The following CANT1 variants were observed in gnomAD, a reference collection of about 807,000 sequenced individuals.
CANT1 encodes soluble calcium-activated nucleotidase 1.
Under a neutral mutation model 30.0 loss-of-function variants are expected in CANT1, and 26 were observed. That is an observed-to-expected ratio of 0.87 (90% CI 0.64 to 1.20). The LOEUF is 1.20. CANT1 is among the 50% of genes most tolerant of loss of function. The probability of loss-of-function intolerance (pLI) is 0.00; values close to 1 mark genes in which losing one functional copy is unlikely to be tolerated. For synonymous variants in CANT1, 246 were observed against 251.8 expected (o/e 0.98, Z 0.22); for missense variants, 518 against 563.0 (o/e 0.92, Z 0.81).
chr17:79,009,282 G>A (rs1324423858), intron 1 of CANT1, among the ~76,000 whole-genome samples: 1 of 150,720 alleles, frequency 6.6e-6, no homozygotes, highest in Non-Finnish European at 1.5e-5. Flanking sequence ...GAGCGGGGAG[G>A]AGTCACATAA....
At chr17:79,001,184 C>T (rs965860807) in intron 1 of CANT1, among the ~76,000 whole-genome samples, 3 of 152,154 alleles carry the variant, frequency 2.0e-5, no homozygotes, top group African/African-American at 4.8e-5. Flanking sequence ...GAGGTGTCGT[C>T]GTCACCAGCC....
intron 1 of CANT1, among the ~76,000 whole-genome samples, chr17:79,006,412 A>T (rs73999379): frequency 0.039 from 5,979 of 152,242 alleles, 155 homozygotes; most frequent in African/African-American, 0.069. Flanking sequence ...CTGATCAGCA[A>T]CCTTAATTCC....
At chr17:79,007,528 G>A (rs998329789) in intron 1 of CANT1, among the ~76,000 whole-genome samples, 2 of 152,246 alleles carry the variant, frequency 1.3e-5, no homozygotes, top group African/African-American at 4.8e-5. Context: ...CTACCTATAC[G>A]GTTGCCAGAA....
rs540991187 is a variant in CANT1 at position 78,995,142 on chromosome 17, C to G, written c.711G>C (p.Thr237=). Reference sequence around the variant, plus strand: ...CCGGGTTCTCGTTCACCACATCACCCGTAGTGGTCGTCCACTCCTTGCCCA... The same window carrying G: ...CCGGGTTCTCGTTCACCACATCACCGGTAGTGGTCGTCCACTCCTTGCCCA... The part of the protein sequence containing the change: ...GGLGKEWTTT[T]GDVVNENPEW... The change falls in exon 4 of 5, where the codon ACG becomes ACC. Residue 237 remains threonine, a synonymous_variant. Coordinates refer to ENST00000392446, the MANE Select transcript of CANT1 (RefSeq NM_001159773.2). The surrounding 1 kb of genome is among the most constrained non-coding windows in gnomAD (Gnocchi z 5.7). 10 of 1,614,080 alleles carry G rather than the reference C, an allele frequency of 6.2e-6. No homozygotes were observed. The South Asian group carries it at 1.1e-4, about 18-fold the overall frequency.
chr17:79,008,648 T>C lies in CANT1; in HGVS notation c.-147+1016A>G, dbSNP rs1345449087. ...TTTGGGAGAGAGATGTGTCTGCTGA[T>C]GGAAGAGTGGTCACAGGTGCTCTGT... On this transcript the variant is annotated intron_variant, in intron 1 of 4. Coordinates refer to ENST00000392446, the MANE Select transcript of CANT1 (RefSeq NM_001159773.2). The surrounding 1 kb of genome is among the most constrained non-coding windows in gnomAD (Gnocchi z 4.4). Among the ~76,000 whole-genome samples, 5 of 152,100 alleles carry C rather than the reference T, an allele frequency of 3.3e-5. No individual in the cohort carries two copies. The highest frequency in any genetic ancestry group is 7.4e-5 in the Non-Finnish European group (5 of 68,012).
At position 78,998,761 on chromosome 17, in the gene CANT1, T is replaced by C. The variant is rs9916285; in HGVS notation, c.-146-798A>G. On this transcript the variant is annotated intron_variant, in intron 1 of 4. Coordinates refer to ENST00000392446, the MANE Select transcript of CANT1 (RefSeq NM_001159773.2). This position sits in a 1 kb window ranked among gnomAD's most constrained non-coding sequence, Gnocchi z 4.5. ...GCGTGGGGAGACAGCTCCCGGTGCT[T>C]CGATCGAGAACACTGGCCCTGGGCA... 0.32 allele frequency among the ~76,000 whole-genome samples: 48,498 copies of C among 152,222 alleles called. 8,646 individuals are homozygous for C. Among genetic ancestry groups the C allele is most frequent in the East Asian group, 0.65 (3,387 of 5,174 alleles).
rs2071316993 is a variant in CANT1, at chr17:79,002,900, C to A, written c.-146-4937G>T. On this transcript the variant is annotated intron_variant, in intron 1 of 4. Coordinates refer to ENST00000392446, the MANE Select transcript of CANT1 (RefSeq NM_001159773.2). The surrounding 1 kb of genome is among the most constrained non-coding windows in gnomAD (Gnocchi z 4.0). The stretch of plus-strand genomic sequence containing the variant: ...GTCGCTGTGCAACACTGCACGCCTT[C>A]CTATTCCAGACTCCTGGCATCTACA... 6.6e-6 allele frequency among the ~76,000 whole-genome samples: 1 copy of A among 152,050 alleles called. No homozygotes were observed. The highest frequency in any genetic ancestry group is 1.5e-5 in the Non-Finnish European group (1 of 67,992).
intron 1 of CANT1, among the ~76,000 whole-genome samples, chr17:79,001,590 A>G (rs1437270023): frequency 1.1e-4 from 4 of 37,246 alleles, no homozygotes; most frequent in Admixed American, 7.6e-4. Flanking sequence ...CTCGCCCACC[A>G]TGGTACAAGA....
intron 1 of CANT1, among the ~76,000 whole-genome samples, chr17:79,007,301 T>G (rs1196947112): frequency 2.6e-5 from 4 of 152,238 alleles, no homozygotes; most frequent in Non-Finnish European, 5.9e-5. Flanking sequence ...TGGCATTTCA[T>G]AAGAGCTTTC....
In CANT1 at chr17:78,993,775, G is replaced by C; in HGVS notation, c.981C>G (p.Phe327Leu). 6.2e-7 allele frequency: 1 copy of C among 1,612,750 alleles called. No homozygotes were observed. The highest frequency in any genetic ancestry group is 8.5e-7 in the Non-Finnish European group (1 of 1,179,870). ...CGACGTGGCTCACAGCGATGTCGCCGAAGTCAGGGGAGGCGCTCAGCAGCA... is the reference window on the plus strand; with the variant it reads ...CGACGTGGCTCACAGCGATGTCGCCCAAGTCAGGGGAGGCGCTCAGCAGCA... ...ANLLLSASPDFGDIAVSHVGA... is the reference protein window; with the variant it reads ...ANLLLSASPDLGDIAVSHVGA... The change falls in exon 5 of 5, where the codon TTC becomes TTG. Residue 327 changes from phenylalanine to leucine, a missense_variant. Around this residue, in one of 3 missense-constraint regions of CANT1, gnomAD observed 221 missense variants for 211.8 expected, o/e 1.04. Transcript: ENST00000392446. This position sits in a 1 kb window ranked among gnomAD's most constrained non-coding sequence, Gnocchi z 4.5.
In CANT1 at chr17:78,996,136, G is replaced by A. The variant is rs552868249; in HGVS notation, c.631+856C>T. On this transcript the variant is annotated intron_variant, in intron 3 of 4. Transcript: ENST00000392446. This position sits in a 1 kb window ranked among gnomAD's most constrained non-coding sequence, Gnocchi z 5.1. ...TCAGTTGATACCTCAGGTGAGGTCC[G>A]TCCCCTGCCCAGCCCTGGGCAAACA... is the stretch of plus-strand genomic sequence containing the variant. Among the ~76,000 whole-genome samples the A allele has an allele frequency of 5.3e-5, 8 of 152,298 alleles. No homozygotes were observed. The South Asian group carries it at 1.2e-3, about 24-fold the overall frequency.
rs562551946 is a variant in CANT1 at position 78,994,000 on chromosome 17, G to A, written c.836-80C>T. 2 of 1,491,056 alleles carry A rather than the reference G, an allele frequency of 1.3e-6. No homozygotes were observed. The highest frequency in any genetic ancestry group is 2.8e-5 in the African/African-American group (2 of 72,080). 92.4% of individuals were successfully genotyped at this position (1,491,056 alleles called of 1,614,324 possible). A position where few individuals can be genotyped will look rare whatever the true frequency, so the allele number is the denominator to read the frequency against. On this transcript the variant is annotated intron_variant, in intron 4 of 4. Transcript: ENST00000392446. The surrounding 1 kb of genome is among the most constrained non-coding windows in gnomAD (Gnocchi z 4.5). ...CCACACCATCAGGCCGTGCGCAGTA[G>A]CAGGCAAGGGGCTGCGACCACCAGG...
intron 1 of CANT1, among the ~76,000 whole-genome samples, chr17:79,006,616 G>A (rs2071560909): frequency 6.6e-6 from 1 of 152,214 alleles, no homozygotes; most frequent in African/African-American, 2.4e-5. Flanking sequence ...TTACTGCCTT[G>A]TAAAGAGGCT....
intron 1 of CANT1, among the ~76,000 whole-genome samples, chr17:79,009,154 C>T (rs1599259548): frequency 6.7e-6 from 1 of 149,868 alleles, no homozygotes; most frequent in East Asian, 2.0e-4. Context: ...GGGGGAGGTG[C>T]CCCACATGAA....
rs531535139 is a variant in CANT1, at chr17:78,993,711, A to C, written c.1045T>G (p.Phe349Val). 3 of 1,614,152 alleles carry C rather than the reference A, an allele frequency of 1.9e-6. No individual in the cohort carries two copies. The highest frequency in any genetic ancestry group is 2.2e-5 in the East Asian group (1 of 44,880). The change falls in exon 5 of 5, where the codon TTC becomes GTC. Residue 349 changes from phenylalanine to valine, a missense_variant. Phe to Val is a conservative substitution (Grantham distance 50). This residue lies in a region of CANT1 where 221 missense variants were observed against 211.8 expected (regional missense o/e 1.04). Transcript: ENST00000392446. The surrounding 1 kb of genome is among the most constrained non-coding windows in gnomAD (Gnocchi z 4.5). ...VPTHGFSSFK[F>V]IPNTDDQIIV... ...ATCTGGTCGTCGGTGTTGGGGATGA[A>C]CTTGAAGGACGAGAAGCCGTGAGTG...
chr17:78,996,847 G>A lies in CANT1; in HGVS notation c.631+145C>T. 1 of 1,156,574 alleles carries A rather than the reference G, an allele frequency of 8.6e-7. No individual in the cohort carries two copies. The highest frequency in any genetic ancestry group is 1.3e-6 in the Non-Finnish European group (1 of 777,830). 71.6% of individuals were successfully genotyped at this position (1,156,574 alleles called of 1,614,324 possible). ...CTGGCTAAGGGTAAGGGGGCCGCAG[G>A]TCAGAGCAAGAGGGAGACGTGCTCC... is the stretch of plus-strand genomic sequence containing the variant. On this transcript the variant is annotated intron_variant, in intron 3 of 4. Transcript: ENST00000392446. The surrounding 1 kb of genome is among the most constrained non-coding windows in gnomAD (Gnocchi z 5.1).
Position 78,991,907 on chromosome 17 carries a change from A to G in CANT1, c.*1643T>C, listed in dbSNP as rs759735342. 62 of 231,494 alleles carry G rather than the reference A, an allele frequency of 2.7e-4. No individual in the cohort carries two copies. The highest frequency in any genetic ancestry group is 2.4e-3 in the Admixed American group (43 of 17,732). 14.3% of individuals were successfully genotyped at this position (231,494 alleles called of 1,614,324 possible). ...CTGTGACTCAGGTGCTGACATGAAT[A>G]CATCAGCAAGGTCTCAATTCAGCCA... is the stretch of plus-strand genomic sequence containing the variant. On this transcript the variant is annotated 3_prime_UTR_variant, in exon 5 of 5. Coordinates refer to ENST00000392446, the MANE Select transcript of CANT1 (RefSeq NM_001159773.2).
rs2071050713 is a variant in CANT1 at position 78,996,870 on chromosome 17, TC to T, written c.631+121del. 4 of 1,370,868 alleles carry T rather than the reference TC, an allele frequency of 2.9e-6. No homozygotes were observed. Among genetic ancestry groups the T allele is most frequent in the Non-Finnish European group, 4.1e-6 (4 of 972,520 alleles). The allele number at this position is 1,370,868 out of a possible 1,614,324, so 84.9% of individuals were successfully genotyped here. ...AGGTCAGAGCAAGAGGGAGACGTGC[TC>T]CCTCACCACATCCCTGGCTTCTAGG... On this transcript the variant is annotated intron_variant, in intron 3 of 4. Transcript: ENST00000392446. This position sits in a 1 kb window ranked among gnomAD's most constrained non-coding sequence, Gnocchi z 5.1.
chr17:79,007,984 T>C (rs1476324799), intron 1 of CANT1: 1 of 152,196 alleles, frequency 6.6e-6, no homozygotes, highest in Non-Finnish European at 1.5e-5. Flanking sequence ...AATTTGGACA[T>C]GAAAAAGTGA....
Sources: gnomAD v4.1 joint callset for allele counts (sites outside exome capture counted in the v4.1 genomes callset) on GRCh38, gnomAD v4.1.1 for gene constraint, gnomAD v4.1.1 regional missense constraint, Gnocchi (gnomAD v3.1) non-coding constraint, MANE v1.5 for transcripts, NCBI Gene and HGNC (gene_info 2026-07-23, HGNC 2026-07-21) for gene names.